The following MMP26 variants were observed in gnomAD, a reference collection of about 807,000 sequenced individuals.
MMP26 encodes the protein matrix metallopeptidase 26.
MMP26 carries 33 observed loss-of-function variants against 31.0 expected under a neutral mutation model. That is an observed-to-expected ratio of 1.06 (90% CI 0.81 to 1.42). The LOEUF is 1.42. Ranked by LOEUF, MMP26 falls within the 40% of genes most tolerant of loss-of-function variation. The pLI, the probability that MMP26 is intolerant of heterozygous loss-of-function variation, is 0.00. For synonymous variants in MMP26, 122 were observed against 114.9 expected (o/e 1.06, Z -0.40); for missense variants, 347 against 316.1 (o/e 1.10, Z -0.74).
At chr11:4,728,305 C>T (rs1028252551) in intron 1 of MMP26, among the ~76,000 whole-genome samples, 1 of 152,196 alleles carries the variant, frequency 6.6e-6, no homozygotes, top group South Asian at 2.1e-4. Flanking sequence ...GGCATGATTT[C>T]CATAGCTTTC....
chr11:4,959,870 T>G (rs1846496877), intron 2 of MMP26, among the ~76,000 whole-genome samples: 1 of 152,148 alleles, frequency 6.6e-6, no homozygotes, highest in Admixed American at 6.5e-5. Flanking sequence ...TTTGTGCCTG[T>G]GTGAGTGTGT....
chr11:4,783,421 C>T (rs1328147195), intron 2 of MMP26, among the ~76,000 whole-genome samples: 1 of 152,312 alleles, frequency 6.6e-6, no homozygotes, highest in East Asian at 1.9e-4. Flanking sequence ...TGTATTTACC[C>T]AATGCCTGTA....
intron 1 of MMP26, chr11:4,723,409 G>C (rs748881004): frequency 1.0e-6 from 1 of 974,550 alleles, no homozygotes; most frequent in Non-Finnish European, 1.7e-6. Flanking sequence ...CTCAGCGATA[G>C]TGTTGTCCAT....
chr11:4,848,286 T>C (rs1322314619), intron 2 of MMP26: 5 of 1,613,734 alleles, frequency 3.1e-6, no homozygotes, highest in South Asian at 2.2e-5. Context: ...GAGTATTCTC[T>C]TTCTAATCTC....
intron 2 of MMP26, among the ~76,000 whole-genome samples, chr11:4,856,571 G>A (rs1297658111): frequency 1.3e-5 from 2 of 152,178 alleles, no homozygotes; most frequent in Non-Finnish European, 2.9e-5. Context: ...GATTCATAAA[G>A]CAAGTCCTGA....
At chr11:4,746,722 T>G (rs1399176207) in intron 1 of MMP26, among the ~76,000 whole-genome samples, 1 of 151,936 alleles carries the variant, frequency 6.6e-6, no homozygotes, top group African/African-American at 2.4e-5. Context: ...TAATCCCAGT[T>G]ACTCGGGAGG....
chr11:4,812,597 TTGCAGG>T (rs1311319096), intron 2 of MMP26, among the ~76,000 whole-genome samples: 1 of 152,212 alleles, frequency 6.6e-6, no homozygotes, highest in Non-Finnish European at 1.5e-5. Context: ...ATCCAGTATG[TTGCAGG>T]TGCAAAGGGT....
At chr11:4,835,343 C>A (rs1849703621) in intron 2 of MMP26, among the ~76,000 whole-genome samples, 1 of 152,108 alleles carries the variant, frequency 6.6e-6, no homozygotes, top group Admixed American at 6.6e-5. Context: ...GCAGTTTTAT[C>A]CACCTTCTGT....
At chr11:4,985,801 T>C (rs1339746397) in intron 2 of MMP26, among the ~76,000 whole-genome samples, 1 of 152,204 alleles carries the variant, frequency 6.6e-6, no homozygotes, top group Non-Finnish European at 1.5e-5. Context: ...AAAGTGAATA[T>C]ATTTGTATTA....
chr11:4,799,822 G>C (rs1043824539), intron 2 of MMP26, among the ~76,000 whole-genome samples: 2 of 152,158 alleles, frequency 1.3e-5, no homozygotes, highest in African/African-American at 2.4e-5. Context: ...GGGGCAATAA[G>C]TCCCACACAA....
At chr11:4,861,467 G>A in intron 2 of MMP26, among the ~76,000 whole-genome samples, 1 of 151,500 alleles carries the variant, frequency 6.6e-6, no homozygotes, top group Middle Eastern at 3.5e-3. Flanking sequence ...GTTCATATGT[G>A]TGTGTGTATA....
chr11:4,867,387 C>CTTTTTTTTTT (rs3065176), intron 2 of MMP26, among the ~76,000 whole-genome samples: 1 of 98,296 alleles, frequency 1.0e-5, no homozygotes, highest in Non-Finnish European at 2.0e-5. Flanking sequence ...AGATGCTGTC[C>CTTTTTTTTTT]TTTTTTTTTT....
intron 2 of MMP26, among the ~76,000 whole-genome samples, chr11:4,902,589 C>A (rs1474775752): frequency 1.3e-5 from 2 of 151,980 alleles, no homozygotes; most frequent in Non-Finnish European, 2.9e-5. Flanking sequence ...TGTTTGTTTT[C>A]TTATTGAGTT....
chr11:4,861,503 A>G (rs965662599), intron 2 of MMP26, among the ~76,000 whole-genome samples: 1 of 151,732 alleles, frequency 6.6e-6, no homozygotes. Flanking sequence ...ATATATATAT[A>G]GAGAGAGGGA....
chr11:4,804,318 T>G (rs1849233349), intron 2 of MMP26: 1 of 1,614,092 alleles, frequency 6.2e-7, no homozygotes, highest in South Asian at 1.1e-5. Context: ...TCTCCAGGCC[T>G]GGGATTCCAA....
chr11:4,768,082 GA>G (rs1386442545), intron 2 of MMP26, among the ~76,000 whole-genome samples: 1 of 103,616 alleles, frequency 9.7e-6, no homozygotes, highest in Non-Finnish European at 1.9e-5. Flanking sequence ...TGAAAACTGT[GA>G]AAACTATGGA....
At chr11:4,709,075 T>TA (rs1847822756) in intron 1 of MMP26, among the ~76,000 whole-genome samples, 1 of 152,194 alleles carries the variant, frequency 6.6e-6, no homozygotes. Context: ...TGTTTAATAT[T>TA]ATCTTATTCT....
intron 1 of MMP26, among the ~76,000 whole-genome samples, chr11:4,726,761 C>T (rs1352145965): frequency 1.3e-5 from 2 of 152,200 alleles, no homozygotes; most frequent in African/African-American, 2.4e-5. Context: ...AATCCCAGCA[C>T]TTTGGGAGGC....
chr11:4,860,067 C>T, intron 2 of MMP26: 2 of 471,064 alleles, frequency 4.2e-6, no homozygotes, highest in African/African-American at 2.0e-5. Context: ...AGGGTAGGCA[C>T]TTTATAAGGA....
Sources: gnomAD v4.1 joint callset for allele counts (sites outside exome capture counted in the v4.1 genomes callset) on GRCh38, gnomAD v4.1.1 for gene constraint, MANE v1.5 for transcripts, NCBI Gene and HGNC (gene_info 2026-07-23, HGNC 2026-07-21) for gene names.